The following AIG1 variants were observed in gnomAD, a reference collection of about 807,000 sequenced individuals.
AIG1 encodes androgen-induced gene 1 protein.
AIG1 carries 23 observed loss-of-function variants against 31.4 expected under a neutral mutation model. The ratio of observed to expected loss-of-function variants is 0.73; its 90% CI spans 0.53 to 1.04. AIG1 has a LOEUF of 1.04. Among genes scored for constraint, AIG1 ranks in the 50% least tolerant of loss-of-function variants. AIG1 has a pLI of 0.00. For missense variants in AIG1, 274 were observed against 295.0 expected (o/e 0.93, Z 0.52); for synonymous variants, 100 against 110.5 (o/e 0.90, Z 0.60).
At chr6:143,061,325 G>T (rs1311266811) in intron 1 of AIG1, 8 of 608,520 alleles carry the variant, frequency 1.3e-5, no homozygotes, top group Non-Finnish European at 1.9e-5. Context: ...TGGAGGTGGG[G>T]CGCAGCCAGG....
intron 1 of AIG1, among the ~76,000 whole-genome samples, chr6:143,073,502 A>C (rs1466501865): frequency 6.6e-6 from 1 of 152,220 alleles, no homozygotes; most frequent in African/African-American, 2.4e-5. Context: ...CCAACAGTGT[A>C]CAAGAGTTCT....
At chr6:143,103,895 G>C (rs148482568) in intron 1 of AIG1, among the ~76,000 whole-genome samples, 1 of 152,128 alleles carries the variant, frequency 6.6e-6, no homozygotes, top group East Asian at 1.9e-4. Context: ...CACTGGCCAG[G>C]ATTCATATTA....
chr6:143,195,814 G>A (rs1297083007), intron 3 of AIG1, among the ~76,000 whole-genome samples: 1 of 150,954 alleles, frequency 6.6e-6, no homozygotes, highest in Non-Finnish European at 1.5e-5. Context: ...AGGTGCTCCC[G>A]AGTGCCAAAG....
intron 2 of AIG1, among the ~76,000 whole-genome samples, chr6:143,154,588 G>A (rs1001563180): frequency 8.5e-5 from 13 of 152,182 alleles, no homozygotes; most frequent in Non-Finnish European, 1.6e-4. Flanking sequence ...ATCTCGAGCA[G>A]GCAGTCGTGA....
chr6:143,179,968 G>C (rs1246386719), intron 3 of AIG1, among the ~76,000 whole-genome samples: 2 of 152,186 alleles, frequency 1.3e-5, no homozygotes, highest in African/African-American at 4.8e-5. Context: ...AATAAATGTT[G>C]GTGATTGAAA....
At chr6:143,080,849 A>G (rs914844028) in intron 1 of AIG1, among the ~76,000 whole-genome samples, 3 of 152,104 alleles carry the variant, frequency 2.0e-5, no homozygotes, top group African/African-American at 7.2e-5. Flanking sequence ...GGTAGATAAA[A>G]TGACTGGGTA....
At position 143,066,936 on chromosome 6, in the gene AIG1, A is replaced by G. The variant is rs183410370; in HGVS notation, c.141+5870A>G. 3.7e-3 allele frequency among the ~76,000 whole-genome samples: 556 copies of G among 152,310 alleles called. 5 individuals carry two copies. The highest frequency in any genetic ancestry group is 0.013 in the African/African-American group (520 of 41,560). On this transcript the variant is annotated intron_variant, in intron 1 of 5. Coordinates refer to ENST00000357847, the MANE Select transcript of AIG1 (RefSeq NM_016108.4). ...TGTAATCCCAGCACTGTGGGAGGCCATGGTAGGAGGCTTGCTTAAACCCAG... is the reference window on the plus strand; with the variant it reads ...TGTAATCCCAGCACTGTGGGAGGCCGTGGTAGGAGGCTTGCTTAAACCCAG...
Position 143,288,755 on chromosome 6 carries a change from A to ATGTGCCTGT in AIG1, c.515+4530_515+4531insTGTGCCTGT, listed in dbSNP as rs1387062041. On this transcript the variant is annotated intron_variant, in intron 4 of 5. Coordinates refer to ENST00000357847, the MANE Select transcript of AIG1 (RefSeq NM_016108.4). This position sits in a 1 kb window ranked among gnomAD's most constrained non-coding sequence, Gnocchi z 4.4. ...AAGAGGTCCTGAGAAAGTGTGCCCA[A>ATGTGCCTGT]GATGGTTGGGTTACAGTTTGGTTTT... Among the ~76,000 whole-genome samples, 18 of 152,208 alleles carry ATGTGCCTGT rather than the reference A, an allele frequency of 1.2e-4. No individual in the cohort carries two copies. Among genetic ancestry groups the ATGTGCCTGT allele is most frequent in the African/African-American group, 4.3e-4 (18 of 41,460 alleles).
At chr6:143,306,630 A>G (rs1051656162) in intron 4 of AIG1, among the ~76,000 whole-genome samples, 1 of 152,020 alleles carries the variant, frequency 6.6e-6, no homozygotes, top group African/African-American at 2.4e-5. Context: ...GGCTTCCCTT[A>G]ACATTTTTTC....
intron 1 of AIG1, among the ~76,000 whole-genome samples, chr6:143,065,375 G>C (rs189609720): frequency 4.7e-4 from 72 of 152,248 alleles, no homozygotes; most frequent in African/African-American, 1.7e-3. Flanking sequence ...CACTTAATTG[G>C]AAATAAGCTG....
chr6:143,252,261 A>G (rs1446690898), intron 3 of AIG1, among the ~76,000 whole-genome samples: 1 of 152,210 alleles, frequency 6.6e-6, no homozygotes, highest in Non-Finnish European at 1.5e-5. Context: ...CTGGGATTAC[A>G]GATGTGTGCC....
chr6:143,314,184 T>TTAAAA (rs1775535407), intron 4 of AIG1, among the ~76,000 whole-genome samples: 1 of 90,614 alleles, frequency 1.1e-5, no homozygotes. Flanking sequence ...ACCCATCTCT[T>TTAAAA]AAAAAAAAAA....
At chr6:143,181,255 G>A (rs1371517893) in intron 3 of AIG1, among the ~76,000 whole-genome samples, 1 of 152,096 alleles carries the variant, frequency 6.6e-6, no homozygotes, top group Non-Finnish European at 1.5e-5. Context: ...TAAGAAACTG[G>A]AACAGAGATC....
rs1424466584 is a variant in AIG1 at position 143,267,410 on chromosome 6, C to CT, written c.400-16699dup. The stretch of plus-strand genomic sequence containing the variant: ...TCTACTTTCATAATCCATAAGCTGC[C>CT]TATCCTCGTATAGCACAGCACACAG... On this transcript the variant is annotated intron_variant, in intron 3 of 5. Coordinates refer to ENST00000357847, the MANE Select transcript of AIG1 (RefSeq NM_016108.4). Among the ~76,000 whole-genome samples the CT allele has an allele frequency of 5.3e-5, 8 of 152,306 alleles. No homozygotes were observed. The East Asian group carries it at 1.5e-3, about 29-fold the overall frequency.
intron 3 of AIG1, among the ~76,000 whole-genome samples, chr6:143,281,391 C>G (rs963811660): frequency 6.6e-6 from 1 of 152,186 alleles, no homozygotes; most frequent in African/African-American, 2.4e-5. Context: ...GAGCAAAACA[C>G]TAAGAGTGCT....
intron 3 of AIG1, among the ~76,000 whole-genome samples, chr6:143,283,867 T>A (rs1797511514): frequency 6.6e-6 from 1 of 152,182 alleles, no homozygotes; most frequent in African/African-American, 2.4e-5. Context: ...TTATCAAAAT[T>A]CTCTGTAATG....
intron 3 of AIG1, among the ~76,000 whole-genome samples, chr6:143,248,043 A>G (rs190469159): frequency 1.6e-4 from 24 of 152,334 alleles, no homozygotes; most frequent in African/African-American, 5.5e-4. Context: ...CATGCTGAGC[A>G]TCAGTATCTA....
intron 1 of AIG1, among the ~76,000 whole-genome samples, chr6:143,073,092 AT>A (rs1046305729): frequency 3.3e-5 from 5 of 151,764 alleles, no homozygotes; most frequent in African/African-American, 1.2e-4. Flanking sequence ...GTATATTTGA[AT>A]TTTTTTTGGA....
At chr6:143,138,189 T>G (rs1019072281) in intron 2 of AIG1, among the ~76,000 whole-genome samples, 12 of 152,228 alleles carry the variant, frequency 7.9e-5, no homozygotes, top group African/African-American at 2.9e-4. Context: ...CCTTGTCCTC[T>G]GAAAACTTAA....
Sources: gnomAD v4.1 joint callset for allele counts (sites outside exome capture counted in the v4.1 genomes callset) on GRCh38, gnomAD v4.1.1 for gene constraint, Gnocchi (gnomAD v3.1) non-coding constraint, MANE v1.5 for transcripts, NCBI Gene and HGNC (gene_info 2026-07-23, HGNC 2026-07-21) for gene names.